KCNN3: variants seen among roughly 807,000 people sequenced by gnomAD.
The protein encoded by KCNN3 is potassium calcium-activated channel subfamily N member 3, also known as small conductance calcium-activated potassium channel protein 3.
Under a neutral mutation model 62.9 loss-of-function variants are expected in KCNN3, and 16 were observed. The ratio of observed to expected loss-of-function variants is 0.25; its 90% CI spans 0.17 to 0.39. KCNN3 has a LOEUF of 0.39. Ranked by LOEUF, KCNN3 falls within the 10% of genes least tolerant of loss-of-function variation. The pLI, the probability that KCNN3 is intolerant of heterozygous loss-of-function variation, is 1.00. For missense variants in KCNN3, 599 were observed against 949.4 expected, an observed-to-expected ratio of 0.63 and a Z score of 4.85; for synonymous variants, 370 against 389.2, an observed-to-expected ratio of 0.95 and a Z score of 0.58.
intron 3 of KCNN3, among the ~76,000 whole-genome samples, chr1:154,748,264 C>A (rs1309253961): frequency 6.6e-6 from 1 of 152,064 alleles, no homozygotes; most frequent in Non-Finnish European, 1.5e-5. Context: ...TGAGCTCCAC[C>A]CGCCCGGGGC....
At chr1:154,743,843 G>T (rs1700880277) in intron 3 of KCNN3, among the ~76,000 whole-genome samples, 1 of 152,178 alleles carries the variant, frequency 6.6e-6, no homozygotes, top group Admixed American at 6.5e-5. Flanking sequence ...GGTTAGGTAC[G>T]TTCAGTGCAT....
intron 3 of KCNN3, among the ~76,000 whole-genome samples, chr1:154,749,864 G>A (rs374774940): frequency 4.5e-4 from 69 of 152,280 alleles, no homozygotes; most frequent in South Asian, 1.0e-3. Context: ...GGGAGACTAC[G>A]GGATGCTCCC....
At chr1:154,744,982 T>C (rs1436362383) in intron 3 of KCNN3, among the ~76,000 whole-genome samples, 1 of 150,148 alleles carries the variant, frequency 6.7e-6, no homozygotes, top group Non-Finnish European at 1.5e-5. Flanking sequence ...CTTATAAACA[T>C]CTTAAAATGT....
chr1:154,869,828 G>C lies in KCNN3; in HGVS notation c.137C>G (p.Ala46Gly). 1 of 1,563,660 alleles carries C rather than the reference G, an allele frequency of 6.4e-7. No individual in the cohort carries two copies. Among genetic ancestry groups the C allele is most frequent in the Middle Eastern group, 1.8e-4 (1 of 5,646 alleles). ...QQQQQQPPPP[A>G]PPAAPQQPLG... ...GGGCTGCTGGGGGGCTGCTGGTGGC[G>C]CTGGCGGTGGTGGCTGCTGCTGCTG... Residue 46 changes from alanine to glycine, a missense_variant, in exon 1 of 8, where the codon GCG becomes GGG. Physicochemically the swap from Ala to Gly is moderately conservative, Grantham distance 60. Around this residue, in one of 7 missense-constraint regions of KCNN3, gnomAD observed 59 missense variants for 62.4 expected, o/e 0.95. Coordinates refer to ENST00000271915, the MANE Select transcript of KCNN3 (RefSeq NM_002249.6). The surrounding 1 kb of genome is among the most constrained non-coding windows in gnomAD (Gnocchi z 6.1).
At chr1:154,827,726 G>A (rs1161151073) in intron 1 of KCNN3, among the ~76,000 whole-genome samples, 1 of 151,200 alleles carries the variant, frequency 6.6e-6, no homozygotes, top group Non-Finnish European at 1.5e-5. Context: ...TTGAACCCAG[G>A]AGGCAGAAGT....
chr1:154,772,478 G>A lies in KCNN3; in HGVS notation c.1030-85C>T. 1 of 1,404,606 alleles carries A rather than the reference G, an allele frequency of 7.1e-7. No individual in the cohort carries two copies. The highest frequency in any genetic ancestry group is 1.0e-6 in the Non-Finnish European group (1 of 1,004,222). 87.0% of individuals were successfully genotyped at this position (1,404,606 alleles called of 1,614,324 possible). The stretch of plus-strand genomic sequence containing the variant: ...AGGCAGGACAGGTGGGGCAGGCTGG[G>A]GCAGGCTGCTGGGCTCAGGTCAGCC... On this transcript the variant is annotated intron_variant, in intron 2 of 7. Coordinates refer to ENST00000271915, the MANE Select transcript of KCNN3 (RefSeq NM_002249.6). This position sits in a 1 kb window ranked among gnomAD's most constrained non-coding sequence, Gnocchi z 5.6.
chr1:154,787,198 G>A (rs377142792), intron 2 of KCNN3, among the ~76,000 whole-genome samples: 3 of 152,226 alleles, frequency 2.0e-5, no homozygotes, highest in Admixed American at 6.5e-5. Context: ...ACTGAAAGCC[G>A]CGTTAGTCAG....
At chr1:154,816,260 T>C (rs1052730279) in intron 2 of KCNN3, among the ~76,000 whole-genome samples, 6 of 152,222 alleles carry the variant, frequency 3.9e-5, no homozygotes, top group African/African-American at 9.6e-5. Flanking sequence ...CTTGAGGGGA[T>C]TGATATCCCC....
chr1:154,721,860 C>T (rs1700357195), intron 5 of KCNN3, among the ~76,000 whole-genome samples: 1 of 151,050 alleles, frequency 6.6e-6, no homozygotes, highest in South Asian at 2.1e-4. Flanking sequence ...TAAATATTAT[C>T]TAGTAGCCCA....
chr1:154,846,939 C>T (rs1652086829), intron 1 of KCNN3, among the ~76,000 whole-genome samples: 1 of 152,160 alleles, frequency 6.6e-6, no homozygotes, highest in Admixed American at 6.5e-5. Context: ...CCATCACCAC[C>T]ACCCACACAT....
rs551111966 is a variant in KCNN3, at chr1:154,705,694, T to A, written c.*2282A>T. The A allele has an allele frequency of 2.0e-5, 3 of 152,236 alleles. No individual in the cohort carries two copies. The highest frequency in any genetic ancestry group is 7.2e-5 in the African/African-American group (3 of 41,518). 9.4% of individuals were successfully genotyped at this position (152,236 alleles called of 1,614,324 possible). ...CATGTCATTTGGTTGAAATTAAGAC[T>A]AAATCTCTATATGTGCACACACCCA... On this transcript the variant is annotated 3_prime_UTR_variant, in exon 8 of 8. Coordinates refer to ENST00000271915, the MANE Select transcript of KCNN3 (RefSeq NM_002249.6).
chr1:154,835,057 T>C (rs906973411), intron 1 of KCNN3, among the ~76,000 whole-genome samples: 8 of 152,208 alleles, frequency 5.3e-5, no homozygotes, highest in African/African-American at 1.7e-4. Context: ...AGACTAGAGC[T>C]GGACCGTTTG....
chr1:154,740,949 G>GT lies in KCNN3; in HGVS notation c.1449-7806dup, dbSNP rs1274738422. On this transcript the variant is annotated intron_variant, in intron 3 of 7. Transcript: ENST00000271915. ...TGTGTGCCTTGCCTTTTTCTCTACA[G>GT]TATTTTTGATGAATAGAAGTTTTAA... Among the ~76,000 whole-genome samples, 6 of 152,120 alleles carry GT rather than the reference G, an allele frequency of 3.9e-5. No homozygotes were observed. In the South Asian group the frequency reaches 6.2e-4, roughly 16 times the overall value.
chr1:154,854,999 C>G (rs1652463253), intron 1 of KCNN3, among the ~76,000 whole-genome samples: 1 of 152,124 alleles, frequency 6.6e-6, no homozygotes, highest in East Asian at 1.9e-4. Flanking sequence ...GGGTGGATCA[C>G]TTGAGGTCAG....
intron 3 of KCNN3, among the ~76,000 whole-genome samples, chr1:154,760,414 A>C (rs991886036): frequency 6.6e-6 from 1 of 150,696 alleles, no homozygotes; most frequent in Non-Finnish European, 1.5e-5. Flanking sequence ...TGAATCACGC[A>C]GGTGAAATCA....
At chr1:154,746,020 T>C (rs902154955) in intron 3 of KCNN3, among the ~76,000 whole-genome samples, 2 of 152,170 alleles carry the variant, frequency 1.3e-5, no homozygotes, top group Admixed American at 1.3e-4. Flanking sequence ...GTCTTGGGCT[T>C]CACTTCTGTA....
chr1:154,848,737 C>T (rs923869718), intron 1 of KCNN3, among the ~76,000 whole-genome samples: 2 of 152,178 alleles, frequency 1.3e-5, no homozygotes, highest in Admixed American at 1.3e-4. Context: ...TCATGAAGCC[C>T]TACCTTCCTT....
chr1:154,743,194 C>T (rs1039206773), intron 3 of KCNN3, among the ~76,000 whole-genome samples: 1 of 151,536 alleles, frequency 6.6e-6, no homozygotes, highest in Non-Finnish European at 1.5e-5. Flanking sequence ...CTCTTACCTG[C>T]TCCAGTCCCA....
chr1:154,813,786 C>T (rs11804928), intron 2 of KCNN3, among the ~76,000 whole-genome samples: 14,674 of 152,146 alleles, frequency 0.096, 736 homozygotes, highest in African/African-American at 0.13. Flanking sequence ...TACAGGCAGC[C>T]GAGAAACAAG....
Sources: gnomAD v4.1 joint callset for allele counts (sites outside exome capture counted in the v4.1 genomes callset) on GRCh38, gnomAD v4.1.1 for gene constraint, gnomAD v4.1.1 regional missense constraint, Gnocchi (gnomAD v3.1) non-coding constraint, MANE v1.5 for transcripts, NCBI Gene and HGNC (gene_info 2026-07-23, HGNC 2026-07-21) for gene names.